FILIP1L: variants seen among roughly 807,000 people sequenced by gnomAD.
FILIP1L encodes filamin A interacting protein 1 like, also known as filamin A-interacting protein 1-like.
Under a neutral mutation model 96.6 loss-of-function variants are expected in FILIP1L, and 55 were observed. That is an observed-to-expected ratio of 0.57 (90% CI 0.46 to 0.71). The LOEUF (loss-of-function observed/expected upper bound fraction) is 0.71, where lower values mean the gene tolerates loss of function less well. Ranked by LOEUF, FILIP1L falls within the 30% of genes least tolerant of loss-of-function variation. The probability of loss-of-function intolerance (pLI) is 0.00; values close to 1 mark genes in which losing one functional copy is unlikely to be tolerated. For missense variants in FILIP1L, 1,304 were observed against 1,321.2 expected, an observed-to-expected ratio of 0.99 and a Z score of 0.20; for synonymous variants, 467 against 473.9, an observed-to-expected ratio of 0.99 and a Z score of 0.19.
intron 1 of FILIP1L, among the ~76,000 whole-genome samples, chr3:99,947,602 C>T (rs144702639): frequency 2.6e-5 from 4 of 152,268 alleles, no homozygotes; most frequent in East Asian, 3.9e-4. Flanking sequence ...AATATCTGTT[C>T]GTTGTTTTAA....
Position 99,850,773 on chromosome 3 carries a change from C to T in FILIP1L, c.903G>A (p.Lys301=), listed in dbSNP as rs1943648716. ...LEKELQTQTT[K]FHQDQDTIMA... The stretch of plus-strand genomic sequence containing the variant: ...TAATTGTGTCTTGGTCTTGGTGAAA[C>T]TTTGTGGTCTGCGTTTGCAGTTCCT... Residue 301 remains lysine, a synonymous_variant, in exon 5 of 6, where the codon AAG becomes AAA. Transcript: ENST00000477258. 1 of 1,614,058 alleles carries T rather than the reference C, an allele frequency of 6.2e-7. No individual in the cohort carries two copies. Among genetic ancestry groups the T allele is most frequent in the Admixed American group, 1.7e-5 (1 of 60,002 alleles).
chr3:99,870,177 C>A (rs970536835), intron 4 of FILIP1L, among the ~76,000 whole-genome samples: 9 of 152,094 alleles, frequency 5.9e-5, no homozygotes, highest in African/African-American at 2.2e-4. Flanking sequence ...TGACATTGTT[C>A]CCTTTTTGTA....
chr3:100,104,749 C>T (rs2066366331), intron 1 of FILIP1L, among the ~76,000 whole-genome samples: 2 of 152,086 alleles, frequency 1.3e-5, no homozygotes, highest in East Asian at 3.9e-4. Context: ...TCAAGAAAAA[C>T]TTTCATCAAG....
chr3:100,039,365 A>T (rs1015569846), intron 1 of FILIP1L, among the ~76,000 whole-genome samples: 66 of 152,236 alleles, frequency 4.3e-4, no homozygotes, highest in African/African-American at 1.6e-3. Flanking sequence ...CAAAGAGCAG[A>T]TGAAATATAA....
At chr3:99,855,899 G>A (rs1943938374) in intron 4 of FILIP1L, among the ~76,000 whole-genome samples, 2 of 152,114 alleles carry the variant, frequency 1.3e-5, no homozygotes, top group African/African-American at 4.8e-5. Context: ...TAACAAATCG[G>A]ACAGCCAAAC....
intron 1 of FILIP1L, among the ~76,000 whole-genome samples, chr3:99,997,542 A>G (rs1351341065): frequency 6.6e-6 from 1 of 152,148 alleles, no homozygotes; most frequent in Non-Finnish European, 1.5e-5. Context: ...AAGCTTTTTC[A>G]ATTTTGCCAG....
At chr3:99,927,297 G>A (rs1210376195) in intron 3 of FILIP1L, among the ~76,000 whole-genome samples, 1 of 151,960 alleles carries the variant, frequency 6.6e-6, no homozygotes, top group East Asian at 1.9e-4. Context: ...ATTTGCCCTA[G>A]GTTATGCTAA....
At chr3:99,952,327 G>A (rs1263419020) in intron 1 of FILIP1L, among the ~76,000 whole-genome samples, 1 of 152,144 alleles carries the variant, frequency 6.6e-6, no homozygotes, top group Non-Finnish European at 1.5e-5. Context: ...TTCATAATGA[G>A]CAAATTATCA....
chr3:99,928,093 GAAT>G, intron 3 of FILIP1L, among the ~76,000 whole-genome samples: 1 of 152,328 alleles, frequency 6.6e-6, no homozygotes. Flanking sequence ...TGCAAAAGAA[GAAT>G]AACTTTAGCA....
intron 1 of FILIP1L, among the ~76,000 whole-genome samples, chr3:99,990,108 T>C (rs1709469149): frequency 6.6e-6 from 1 of 152,204 alleles, no homozygotes. Context: ...ATATTGAACT[T>C]ATATTTACCC....
chr3:99,936,369 CTTTTTTTT>C (rs548149257), intron 1 of FILIP1L, among the ~76,000 whole-genome samples: 4 of 86,384 alleles, frequency 4.6e-5, no homozygotes, highest in African/African-American at 1.4e-4. Context: ...AGCTTGAAGC[CTTTTTTTT>C]TTTTTTTTTT....
chr3:99,892,735 C>T (rs1706124171), intron 4 of FILIP1L, among the ~76,000 whole-genome samples: 1 of 152,160 alleles, frequency 6.6e-6, no homozygotes, highest in Non-Finnish European at 1.5e-5. Context: ...CTCACCCACC[C>T]TCAAAGGCTT....
At chr3:100,062,135 G>C (rs1214742809) in intron 1 of FILIP1L, among the ~76,000 whole-genome samples, 2 of 82,560 alleles carry the variant, frequency 2.4e-5, no homozygotes, top group African/African-American at 1.1e-4. Context: ...TTTTTGAGAC[G>C]GAGTGTTGCT....
At chr3:100,088,590 ACAC>A (rs2066052043) in intron 1 of FILIP1L, among the ~76,000 whole-genome samples, 1 of 152,184 alleles carries the variant, frequency 6.6e-6, no homozygotes, top group South Asian at 2.1e-4. Flanking sequence ...GTGTCAAAGC[ACAC>A]CAGTTTCCTC....
chr3:100,063,641 T>C (rs555195329), intron 1 of FILIP1L, among the ~76,000 whole-genome samples: 2 of 152,372 alleles, frequency 1.3e-5, no homozygotes, highest in South Asian at 2.1e-4. Flanking sequence ...ATTATTTTAA[T>C]CTGGGGACTT....
chr3:99,902,326 A>G (rs1271281672), intron 4 of FILIP1L, among the ~76,000 whole-genome samples: 3 of 152,180 alleles, frequency 2.0e-5, no homozygotes, highest in Non-Finnish European at 4.4e-5. Flanking sequence ...TCAGTGCTGA[A>G]TAGATATCTG....
intron 1 of FILIP1L, among the ~76,000 whole-genome samples, chr3:100,015,045 A>G (rs141597343): frequency 1.7e-4 from 25 of 151,060 alleles, no homozygotes; most frequent in African/African-American, 5.1e-4. Flanking sequence ...TTAAGGCTTT[A>G]ATCTATCTTG....
intron 1 of FILIP1L, among the ~76,000 whole-genome samples, chr3:100,059,120 A>G (rs978985859): frequency 1.2e-4 from 19 of 152,222 alleles, no homozygotes; most frequent in African/African-American, 4.3e-4. Flanking sequence ...GGTTTTCCTT[A>G]AAAGAAAGAA....
chr3:99,890,501 G>A (rs1352746649), intron 4 of FILIP1L, among the ~76,000 whole-genome samples: 1 of 151,960 alleles, frequency 6.6e-6, no homozygotes, highest in Non-Finnish European at 1.5e-5. Context: ...ACACATGTTA[G>A]ACTTTCTTTA....
Sources: allele counts gnomAD v4.1 joint callset (sites outside exome capture counted in the v4.1 genomes callset), GRCh38; gene constraint gnomAD v4.1.1; transcripts MANE v1.5; gene names NCBI Gene and HGNC (gene_info 2026-07-23, HGNC 2026-07-21).